The following RARB variants were observed in gnomAD, a reference collection of about 807,000 sequenced individuals.
RARB encodes the protein retinoic acid receptor beta.
Under a neutral mutation model 51.9 loss-of-function variants are expected in RARB, and 17 were observed. The ratio of observed to expected loss-of-function variants is 0.33; its 90% CI spans 0.22 to 0.49. The LOEUF is 0.49. Among genes scored for constraint, RARB ranks in the 20% least tolerant of loss-of-function variants. The probability of loss-of-function intolerance (pLI) is 0.99; values close to 1 mark genes in which losing one functional copy is unlikely to be tolerated. For synonymous variants in RARB, 215 were observed against 195.4 expected, an observed-to-expected ratio of 1.10 and a Z score of -0.84; for missense variants, 369 against 550.8, an observed-to-expected ratio of 0.67 and a Z score of 3.30.
At chr3:24,854,498 G>A (rs1176946292) in intron 1 of RARB, among the ~76,000 whole-genome samples, 1 of 152,070 alleles carries the variant, frequency 6.6e-6, no homozygotes, top group Non-Finnish European at 1.5e-5. Context: ...GTTGGCCCTG[G>A]ACCAATAGCA....
chr3:25,341,848 TG>T (rs1397413495), intron 5 of RARB, among the ~76,000 whole-genome samples: 1 of 152,162 alleles, frequency 6.6e-6, no homozygotes, highest in Non-Finnish European at 1.5e-5. Flanking sequence ...CGTTGAGCCT[TG>T]GGAAAGCTTT....
intron 5 of RARB, among the ~76,000 whole-genome samples, chr3:25,210,795 A>G (rs1701677919): frequency 6.6e-6 from 1 of 151,892 alleles, no homozygotes; most frequent in Admixed American, 6.6e-5. Flanking sequence ...TCAGCTTCCC[A>G]AAGTGCTGGG....
At chr3:25,115,004 G>A (rs1341765174) in intron 3 of RARB, among the ~76,000 whole-genome samples, 1 of 152,166 alleles carries the variant, frequency 6.6e-6, no homozygotes, top group East Asian at 1.9e-4. Context: ...TAGTGCTCAA[G>A]GATGATAATT....
chr3:24,884,013 C>T (rs1378507849), intron 2 of RARB, among the ~76,000 whole-genome samples: 4 of 152,104 alleles, frequency 2.6e-5, no homozygotes, highest in Admixed American at 6.6e-5. Flanking sequence ...ACAAGCATCT[C>T]GTCATATACT....
intron 3 of RARB, among the ~76,000 whole-genome samples, chr3:25,081,031 C>T (rs1437272258): frequency 6.6e-6 from 1 of 151,968 alleles, no homozygotes; most frequent in Non-Finnish European, 1.5e-5. Context: ...TTCTTCTATG[C>T]ATACTGTGGG....
intron 3 of RARB, among the ~76,000 whole-genome samples, chr3:25,094,379 T>C (rs1699255452): frequency 6.6e-6 from 1 of 152,104 alleles, no homozygotes; most frequent in Admixed American, 6.6e-5. Flanking sequence ...AAAAATTCTC[T>C]GGAGGAACCC....
intron 1 of RARB, among the ~76,000 whole-genome samples, chr3:24,857,280 CTG>C (rs1217933504): frequency 6.6e-6 from 1 of 152,156 alleles, no homozygotes; most frequent in Non-Finnish European, 1.5e-5. Context: ...GTTCTGGAGT[CTG>C]TTCCAAAGTT....
intron 2 of RARB, among the ~76,000 whole-genome samples, chr3:25,015,922 A>G (rs745932524): frequency 1.3e-5 from 2 of 152,188 alleles, no homozygotes; most frequent in Non-Finnish European, 2.9e-5. Flanking sequence ...CCACAGCTCA[A>G]CTGATCCCAG....
At chr3:25,575,107 G>T (rs1389125866) in intron 4 of RARB, among the ~76,000 whole-genome samples, 1 of 152,186 alleles carries the variant, frequency 6.6e-6, no homozygotes, top group Non-Finnish European at 1.5e-5. Context: ...TAGATGCTGG[G>T]CTTGGGGATA....
chr3:25,390,812 A>T (rs1457908138), intron 5 of RARB, among the ~76,000 whole-genome samples: 1 of 152,162 alleles, frequency 6.6e-6, no homozygotes, highest in Non-Finnish European at 1.5e-5. Flanking sequence ...CTCTTATTAG[A>T]TGCCCAGAAC....
intron 2 of RARB, among the ~76,000 whole-genome samples, chr3:25,491,278 C>G (rs1416886544): frequency 6.6e-6 from 1 of 152,060 alleles, no homozygotes; most frequent in Non-Finnish European, 1.5e-5. Context: ...CCCCTGCACC[C>G]CCACCCCCAA....
rs537238930 is a variant in RARB, at chr3:24,943,939, A to AG, written c.-380+85191dup. Reference sequence around the variant, plus strand: ...TTTAATTTTCAAAGTGAAAGTGAGGAGGGGAAAAAGAAAAATGGTTCCGAT... The same window carrying AG: ...TTTAATTTTCAAAGTGAAAGTGAGGAGGGGGAAAAAGAAAAATGGTTCCGAT... On this transcript the variant is annotated intron_variant, in intron 2 of 11. Transcript: ENST00000383772. Among the ~76,000 whole-genome samples the AG allele has an allele frequency of 1.7e-3, 259 of 152,310 alleles. 1 individual carries two copies. The Middle Eastern group carries it at 0.017, about 10-fold the overall frequency.
intron 5 of RARB, among the ~76,000 whole-genome samples, chr3:25,242,794 C>G (rs917255032): frequency 6.6e-6 from 1 of 152,056 alleles, no homozygotes; most frequent in Admixed American, 6.6e-5. Flanking sequence ...TATATGGGCT[C>G]TTTTTTGGTT....
intron 1 of RARB, among the ~76,000 whole-genome samples, chr3:25,431,078 G>C (rs995073590): frequency 2.1e-5 from 3 of 146,236 alleles, no homozygotes; most frequent in African/African-American, 7.6e-5. Flanking sequence ...TAGGGCTATT[G>C]AAATAAAAGT....
chr3:24,878,171 T>C (rs1355810572), intron 2 of RARB, among the ~76,000 whole-genome samples: 2 of 151,872 alleles, frequency 1.3e-5, no homozygotes, highest in African/African-American at 2.4e-5. Context: ...CCAGCTTTTG[T>C]CCTCAAGTCT....
At chr3:25,442,380 C>T (rs1177442339) in intron 1 of RARB, among the ~76,000 whole-genome samples, 3 of 152,146 alleles carry the variant, frequency 2.0e-5, no homozygotes, top group Non-Finnish European at 4.4e-5. Flanking sequence ...ATGATCCACC[C>T]GCCTCGATCT....
intron 2 of RARB, among the ~76,000 whole-genome samples, chr3:24,964,852 GGGCTATTGGGTACCCTCA>G (rs1478876874): frequency 1.3e-5 from 2 of 152,174 alleles, no homozygotes; most frequent in Admixed American, 1.3e-4. Flanking sequence ...TCTAATAGCA[GGGCTATTGGGTACCCTCA>G]GGCTGGTGGG....
intron 1 of RARB, among the ~76,000 whole-genome samples, chr3:24,843,340 C>T (rs1167449964): frequency 6.6e-6 from 1 of 152,170 alleles, no homozygotes; most frequent in Non-Finnish European, 1.5e-5. Context: ...TTTTAAAAGA[C>T]AGGGAGACTT....
At chr3:25,297,453 T>C (rs1018460598) in intron 5 of RARB, among the ~76,000 whole-genome samples, 2 of 150,548 alleles carry the variant, frequency 1.3e-5, no homozygotes, top group African/African-American at 2.4e-5. Flanking sequence ...ACTTTTAATT[T>C]TGTCTTGGAT....
Sources: gnomAD v4.1 joint callset for allele counts (sites outside exome capture counted in the v4.1 genomes callset) on GRCh38, gnomAD v4.1.1 for gene constraint, MANE v1.5 for transcripts, NCBI Gene and HGNC (gene_info 2026-07-23, HGNC 2026-07-21) for gene names.